The following PCNX2 variants were observed in gnomAD, a reference collection of about 807,000 sequenced individuals.
PCNX2 encodes pecanex 2.
PCNX2 carries 168 observed loss-of-function variants against 223.8 expected under a neutral mutation model. That is an observed-to-expected ratio of 0.75 (90% CI 0.66 to 0.85). The LOEUF (loss-of-function observed/expected upper bound fraction) is 0.85, where lower values mean the gene tolerates loss of function less well. Ranked by LOEUF, PCNX2 falls within the 40% of genes least tolerant of loss-of-function variation. The pLI is 0.00. For synonymous variants in PCNX2, 1,006 were observed against 1,052.6 expected (o/e 0.96, Z 0.86); for missense variants, 2,507 against 2,675.5 (o/e 0.94, Z 1.39).
the PCNX2 span, among the ~76,000 whole-genome samples, chr1:233,304,871 G>A: frequency 6.6e-6 from 1 of 152,110 alleles, no homozygotes; most frequent in Non-Finnish European, 1.5e-5. Context: ...TATGGTCAGT[G>A]TATATTGTAT....
chr1:233,112,723 T>A (rs1361908871), intron 21 of PCNX2: 3 of 825,702 alleles, frequency 3.6e-6, no homozygotes, highest in South Asian at 2.1e-5. Context: ...ACAATATAAC[T>A]AAATTCACAT....
intron 27 of PCNX2, among the ~76,000 whole-genome samples, chr1:233,016,257 G>T (rs1670651373): frequency 6.6e-6 from 1 of 152,138 alleles, no homozygotes; most frequent in Non-Finnish European, 1.5e-5. Context: ...AGCTGCTGAG[G>T]AAGTTGTTTC....
chr1:233,296,784 T>G (rs1662149311), upstream of PCNX2, among the ~76,000 whole-genome samples: 1 of 152,206 alleles, frequency 6.6e-6, no homozygotes, highest in Admixed American at 6.5e-5. Flanking sequence ...CATGTTCTGG[T>G]CTGCAGCAGC....
chr1:233,138,766 A>G (rs1044494029), intron 20 of PCNX2, among the ~76,000 whole-genome samples: 20 of 152,244 alleles, frequency 1.3e-4, no homozygotes, highest in African/African-American at 4.6e-4. Context: ...GGTCTGGACT[A>G]GAAGGAAGGC....
the PCNX2 span, among the ~76,000 whole-genome samples, chr1:233,318,853 A>G: frequency 6.6e-6 from 1 of 152,094 alleles, no homozygotes; most frequent in African/African-American, 2.4e-5. Flanking sequence ...TACAAGCGTG[A>G]GCCACTGCGC....
intron 21 of PCNX2, among the ~76,000 whole-genome samples, chr1:233,113,162 A>G (rs1017296549): frequency 2.6e-5 from 4 of 152,198 alleles, no homozygotes; most frequent in Admixed American, 1.3e-4. Context: ...TACAGCTAGA[A>G]GCAGATTGTG....
Position 233,250,805 on chromosome 1 carries a change from G to A in PCNX2, c.2156C>T (p.Ser719Phe), listed in dbSNP as rs1239323333. ...HGEIRSCYLKSGNQKEGPLQP... is the reference protein window; with the variant it reads ...HGEIRSCYLKFGNQKEGPLQP... ...TAAAGGGCCTTCTTTCTGATTTCCA[G>A]ATTTTAAATAACAGGATCTAATTTC... is the stretch of plus-strand genomic sequence containing the variant. The change falls in exon 8 of 34, where the codon TCT becomes TTT. Residue 719 changes from serine (S) to phenylalanine (F), a missense_variant. By Grantham distance (155) the Ser-to-Phe change is radical. Around this residue, in one of 3 missense-constraint regions of PCNX2, gnomAD observed 1,031 missense variants for 1,021.7 expected, o/e 1.01. Coordinates refer to ENST00000258229, the MANE Select transcript of PCNX2 (RefSeq NM_014801.4). 1 of 1,600,344 alleles carries A rather than the reference G, an allele frequency of 6.2e-7. No individual in the cohort carries two copies. The highest frequency in any genetic ancestry group is 1.7e-5 in the Admixed American group (1 of 58,368).
At chr1:233,046,258 G>T (rs923156226) in intron 25 of PCNX2, among the ~76,000 whole-genome samples, 11 of 152,260 alleles carry the variant, frequency 7.2e-5, no homozygotes, top group Non-Finnish European at 1.5e-4. Context: ...GGGTGAAGTA[G>T]ATTAAATTTG....
intron 21 of PCNX2, among the ~76,000 whole-genome samples, chr1:233,113,711 C>T (rs74145053): frequency 0.13 from 20,004 of 152,236 alleles, 1,439 homozygotes; most frequent in East Asian, 0.21. Context: ...TAGTGCAGAG[C>T]TTGTGAAATT....
chr1:233,291,876 T>C (rs1223306575), intron 1 of PCNX2: 1 of 984,954 alleles, frequency 1.0e-6, no homozygotes, highest in African/African-American at 1.8e-5. Flanking sequence ...GACATGAGGC[T>C]AGTGCTCTCA....
chr1:233,213,975 C>G (rs1267119654), intron 12 of PCNX2, among the ~76,000 whole-genome samples: 2 of 151,636 alleles, frequency 1.3e-5, no homozygotes, highest in African/African-American at 2.4e-5. Flanking sequence ...ATTACAGGTG[C>G]CTGCCACCGT....
chr1:233,289,397 G>A (rs960052668), intron 1 of PCNX2: 27 of 1,399,234 alleles, frequency 1.9e-5, no homozygotes, highest in African/African-American at 4.2e-5. Context: ...ACTCGAACTC[G>A]TCCGGCTTCT....
intron 21 of PCNX2, among the ~76,000 whole-genome samples, chr1:233,129,524 C>G (rs909588252): frequency 3.3e-5 from 5 of 152,230 alleles, no homozygotes; most frequent in African/African-American, 1.2e-4. Flanking sequence ...GCGGGACTGG[C>G]AGGCAGCTCC....
chr1:233,028,657 C>A (rs1671164360), intron 25 of PCNX2, among the ~76,000 whole-genome samples: 1 of 152,108 alleles, frequency 6.6e-6, no homozygotes, highest in African/African-American at 2.4e-5. Context: ...GTTAAAACAT[C>A]TCTTGTAAAC....
intron 23 of PCNX2, chr1:233,057,626 T>G: frequency 5.0e-6 from 1 of 199,892 alleles, no homozygotes; most frequent in Non-Finnish European, 1.0e-5. Flanking sequence ...TCCCAACACT[T>G]AGGGAGGCTG....
chr1:233,174,536 C>T (rs566476428), intron 17 of PCNX2, among the ~76,000 whole-genome samples: 3 of 149,942 alleles, frequency 2.0e-5, no homozygotes, highest in East Asian at 1.9e-4. Context: ...GCTTAAGAAC[C>T]CCTGTTCCAA....
intron 1 of PCNX2, among the ~76,000 whole-genome samples, chr1:233,282,050 A>T (rs1462345760): frequency 6.6e-6 from 1 of 152,128 alleles, no homozygotes; most frequent in African/African-American, 2.4e-5. Flanking sequence ...TGCCTCTTAA[A>T]CCCACAGCAG....
intron 23 of PCNX2, among the ~76,000 whole-genome samples, chr1:233,083,972 AAGAT>A (rs1300584058): frequency 6.6e-6 from 1 of 152,220 alleles, no homozygotes; most frequent in Admixed American, 6.5e-5. Context: ...TGAATAAGAA[AAGAT>A]AGAAATTTAG....
intron 1 of PCNX2, among the ~76,000 whole-genome samples, chr1:233,273,899 A>G (rs1437606002): frequency 6.6e-6 from 1 of 152,184 alleles, no homozygotes; most frequent in African/African-American, 2.4e-5. Context: ...CTGGGATTAC[A>G]GGCGTGAGTC....
Sources: gnomAD v4.1 joint callset for allele counts (sites outside exome capture counted in the v4.1 genomes callset) on GRCh38, gnomAD v4.1.1 for gene constraint, gnomAD v4.1.1 regional missense constraint, MANE v1.5 for transcripts, NCBI Gene and HGNC (gene_info 2026-07-23, HGNC 2026-07-21) for gene names.